ACADL: variants seen among roughly 807,000 people sequenced by gnomAD.
ACADL encodes the protein acyl-CoA dehydrogenase long chain, also known as long-chain specific acyl-CoA dehydrogenase, mitochondrial.
Under a neutral mutation model 56.9 loss-of-function variants are expected in ACADL, and 60 were observed. The ratio of observed to expected loss-of-function variants is 1.05; its 90% confidence interval spans 0.86 to 1.31. ACADL has a LOEUF of 1.31. Among genes scored for constraint, ACADL ranks in the 50% most tolerant of loss-of-function variants. The pLI, the probability that ACADL is intolerant of heterozygous loss-of-function variation, is 0.00. For missense variants in ACADL, 484 were observed against 525.5 expected, an observed-to-expected ratio of 0.92 and a Z score of 0.77; for synonymous variants, 158 against 179.7, an observed-to-expected ratio of 0.88 and a Z score of 0.97.
At chr2:210,220,857 C>T (rs1423972510) in intron 1 of ACADL, 55 bp from the exon 2 acceptor site, 4 of 1,338,354 alleles carry the variant, frequency 3.0e-6, no homozygotes, top group Middle Eastern at 2.5e-4. Context: ...CTCTTCATAT[C>T]CAAATTAGTG....
At chr2:210,212,615 C>T (rs567960296) in intron 4 of ACADL, among the ~76,000 whole-genome samples, 10 of 152,238 alleles carry the variant, frequency 6.6e-5, no homozygotes, top group Admixed American at 3.9e-4. Context: ...TTGTCACAGA[C>T]GCCATAAAGC....
chr2:210,219,080 C>T (rs1319289685), intron 2 of ACADL, among the ~76,000 whole-genome samples: 1 of 152,110 alleles, frequency 6.6e-6, no homozygotes, highest in African/African-American at 2.4e-5. Context: ...AAGATACTGA[C>T]ACTACAAAAA....
rs372200569 is a variant in ACADL at position 210,220,777 on chromosome 2, G to A, written c.103C>T (p.Arg35Cys). Reference protein sequence around the residue: ...ARCSHSGGEERLETPSAKKLT... With the variant: ...ARCSHSGGEECLETPSAKKLT... ...TTTTTAGCAGAAGGAGTTTCTAGACGTTCTTCCCCTCCGGAATGAGAACAT... is the reference window on the plus strand; with the variant it reads ...TTTTTAGCAGAAGGAGTTTCTAGACATTCTTCCCCTCCGGAATGAGAACAT... The change falls in exon 2 of 11, where the codon CGT (arginine) becomes TGT (cysteine). Residue 35 changes from arginine to cysteine, a missense_variant. Physicochemically the swap from Arg to Cys is radical, Grantham distance 180. Coordinates refer to ENST00000233710, the MANE Select transcript of ACADL (RefSeq NM_001608.4). The A allele has an allele frequency of 5.0e-6, 8 of 1,609,226 alleles. No homozygotes were observed. In the African/African-American group the frequency reaches 6.7e-5, roughly 13 times the overall value.
chr2:210,225,088 G>C, intron 1 of ACADL, 99 bp downstream of exon 1: 1 of 1,515,090 alleles, frequency 6.6e-7, no homozygotes, highest in Admixed American at 2.0e-5. Flanking sequence ...TCCCAGCCGC[G>C]CGCGCACCGC....
intron 1 of ACADL, among the ~76,000 whole-genome samples, chr2:210,223,405 T>G (rs572263015): frequency 6.6e-6 from 1 of 152,270 alleles, no homozygotes; most frequent in African/African-American, 2.4e-5. Flanking sequence ...ACCAGCACCT[T>G]CCACACACCT....
intron 5 of ACADL, among the ~76,000 whole-genome samples, chr2:210,206,014 T>C (rs527296662): frequency 6.6e-4 from 101 of 152,288 alleles, no homozygotes; most frequent in African/African-American, 2.4e-3. Flanking sequence ...GAATGAAACC[T>C]ATAGATTTTC....
In ACADL at chr2:210,220,718, A is replaced by G; in HGVS notation, c.162T>C (p.Ser54=). The G allele has an allele frequency of 6.2e-7, 1 of 1,613,498 alleles. No homozygotes were observed. The highest frequency in any genetic ancestry group is 8.5e-7 in the Non-Finnish European group (1 of 1,179,716). Residue 54 remains serine (S), a synonymous_variant, in exon 2 of 11, where the codon TCT becomes TCC. Transcript: ENST00000233710. ...TTTTCCGGAAAATGTCATGCTCTGGAGAAAAGATTCTTCGAATTCCTATAT... is the reference window on the plus strand; with the variant it reads ...TTTTCCGGAAAATGTCATGCTCTGGGGAAAAGATTCTTCGAATTCCTATAT... ...LTDIGIRRIF[S]PEHDIFRKSV...
rs758491059 is a variant in ACADL at position 210,220,731 on chromosome 2, C to T, written c.149G>A (p.Arg50Gln). The change falls in exon 2 of 11, where the codon CGA (arginine) becomes CAA (glutamine). Residue 50 changes from arginine to glutamine, a missense_variant. Physicochemically the swap from Arg to Gln is conservative, Grantham distance 43. Transcript: ENST00000233710. ...SAKKLTDIGI[R>Q]RIFSPEHDIF... The stretch of plus-strand genomic sequence containing the variant: ...GTCATGCTCTGGAGAAAAGATTCTT[C>T]GAATTCCTATATCTGTTAATTTTTT... 3.9e-5 allele frequency: 63 copies of T among 1,612,918 alleles called. No homozygotes were observed. The highest frequency in any genetic ancestry group is 2.0e-4 in the South Asian group (18 of 91,046).
chr2:210,199,386 G>A (rs1386852254), intron 8 of ACADL, among the ~76,000 whole-genome samples: 2 of 152,096 alleles, frequency 1.3e-5, no homozygotes, highest in African/African-American at 2.4e-5. Context: ...AAAGTTTAGG[G>A]AACTAACTTT....
chr2:210,189,065 C>A lies in ACADL; in HGVS notation c.1200-11G>T. On this transcript the variant is annotated splice_polypyrimidine_tract_variant and intron_variant, in intron 10 of 10. Coordinates refer to ENST00000233710, the MANE Select transcript of ACADL (RefSeq NM_001608.4). ...GCATCCACATAAGCTCTGGATAAAT[C>A]AGATGATTGAATGAATAAATAAAAT... is the stretch of plus-strand genomic sequence containing the variant. 1 of 1,574,970 alleles carries A rather than the reference C, an allele frequency of 6.3e-7. No homozygotes were observed. Among genetic ancestry groups the A allele is most frequent in the South Asian group, 1.1e-5 (1 of 90,138 alleles).
intron 5 of ACADL, among the ~76,000 whole-genome samples, chr2:210,208,506 GA>G (rs1398657604): frequency 1.3e-5 from 2 of 152,126 alleles, no homozygotes; most frequent in African/African-American, 4.8e-5. Context: ...GAATAGGGCT[GA>G]AATTATCCCT....
intron 8 of ACADL, 91 bp from the exon 9 acceptor site, chr2:210,195,429 G>T (rs1688694051): frequency 5.9e-6 from 8 of 1,358,270 alleles, no homozygotes; most frequent in African/African-American, 1.4e-5. Flanking sequence ...TACAATAAAA[G>T]ATCTTTAGGG....
intron 2 of ACADL, among the ~76,000 whole-genome samples, chr2:210,219,692 C>T (rs1334022152): frequency 6.6e-6 from 1 of 152,130 alleles, no homozygotes; most frequent in Non-Finnish European, 1.5e-5. Flanking sequence ...GACAGTTCAA[C>T]TTACAATTTT....
At chr2:210,205,866 G>A (rs1688880236) in intron 5 of ACADL, 70 bp from the exon 6 acceptor site, 1 of 1,583,206 alleles carries the variant, frequency 6.3e-7, no homozygotes, top group Non-Finnish European at 8.7e-7. Flanking sequence ...ATGATTGGGA[G>A]AAAGTATATT....
chr2:210,222,508 C>CAAAAAAAAAAAAAA (rs797000679), intron 1 of ACADL, among the ~76,000 whole-genome samples: 3 of 81,390 alleles, frequency 3.7e-5, no homozygotes, highest in African/African-American at 3.9e-5. Context: ...AACAAACAAA[C>CAAAAAAAAAAAAAA]AAAAAAAAAA....
chr2:210,223,196 G>T (rs1689205562), intron 1 of ACADL, among the ~76,000 whole-genome samples: 1 of 152,184 alleles, frequency 6.6e-6, no homozygotes, highest in African/African-American at 2.4e-5. Flanking sequence ...GGTCAAGAGA[G>T]AATATGCAGA....
chr2:210,220,848 T>G (rs139818567), intron 1 of ACADL, 46 bp from the exon 2 acceptor site: 1 of 1,434,362 alleles, frequency 7.0e-7, no homozygotes, highest in Non-Finnish European at 9.6e-7. Context: ...GAATTGTTAC[T>G]CTTCATATCC....
At chr2:210,194,230 A>T (rs998329005) in intron 9 of ACADL, among the ~76,000 whole-genome samples, 7 of 152,208 alleles carry the variant, frequency 4.6e-5, no homozygotes, top group African/African-American at 1.4e-4. Context: ...AAATATAAAA[A>T]GTCTCCTCAA....
Position 210,203,219 on chromosome 2 carries a change from T to C in ACADL, c.984+112A>G, listed in dbSNP as rs370095792. On this transcript the variant is annotated intron_variant, in intron 8 of 10. Coordinates refer to ENST00000233710, the MANE Select transcript of ACADL (RefSeq NM_001608.4). ...TCCTTAGTGATCTCATCCACTTCCA[T>C]GGTTTCTAATATCACCTTACATGAA... 100 of 758,886 alleles carry C rather than the reference T, an allele frequency of 1.3e-4. No homozygotes were observed. In the African/African-American group the frequency reaches 1.4e-3, roughly 10 times the overall value. The allele number at this position is 758,886 out of a possible 1,614,324, so 47.0% of individuals were successfully genotyped here. A position where few individuals can be genotyped will look rare whatever the true frequency, so the allele number is the denominator to read the frequency against.
Sources: allele counts gnomAD v4.1 joint callset (sites outside exome capture counted in the v4.1 genomes callset), GRCh38; gene constraint gnomAD v4.1.1; transcripts MANE v1.5; gene names NCBI Gene and HGNC (gene_info 2026-07-23, HGNC 2026-07-21).